The following DBF4 variants were observed in gnomAD, a reference collection of about 807,000 sequenced individuals.
The protein encoded by DBF4 is DBF4-CDC7 kinase regulatory subunit.
DBF4 carries 25 observed loss-of-function variants against 76.6 expected under a neutral mutation model. The observed-to-expected ratio is 0.33, with a 90% CI of 0.24 to 0.46. DBF4 has a LOEUF of 0.46. DBF4 is among the 20% of genes least tolerant of loss of function. The pLI is 1.00. For synonymous variants in DBF4, 213 were observed against 258.0 expected (o/e 0.83, Z 1.67); for missense variants, 638 against 760.8 (o/e 0.84, Z 1.90).
chr7:87,893,755 A>G (rs1421155173), intron 6 of DBF4, among the ~76,000 whole-genome samples: 2 of 152,206 alleles, frequency 1.3e-5, no homozygotes, highest in Non-Finnish European at 2.9e-5. Context: ...CTTTTTCATC[A>G]AATTTGGCAA....
Position 87,907,796 on chromosome 7 carries a change from C to T in DBF4, c.1658C>T (p.Thr553Ile), listed in dbSNP as rs1226153710. The T allele has an allele frequency of 2.4e-5, 38 of 1,598,014 alleles. No individual in the cohort carries two copies. Among genetic ancestry groups the T allele is most frequent in the Non-Finnish European group, 3.3e-5 (38 of 1,167,028 alleles). ...GTTCAGGCAAAGGCTCCATTCCATA[C>T]TCCTCCTGAGGAACCCAATGAATGT... ...LTVQAKAPFH[T>I]PPEEPNECDF... is the part of the protein sequence containing the mutation. Residue 553 changes from threonine to isoleucine, a missense_variant, in exon 12 of 12, where the codon ACT (threonine) becomes ATT (isoleucine). Thr to Ile is a moderately conservative substitution (Grantham distance 89). Coordinates refer to ENST00000265728, the MANE Select transcript of DBF4 (RefSeq NM_006716.4).
chr7:87,896,146 A>T (rs992933713), intron 6 of DBF4: 2 of 238,752 alleles, frequency 8.4e-6, no homozygotes, highest in African/African-American at 2.3e-5. Context: ...ATAAATGTTG[A>T]CTAATTTCTT....
chr7:87,883,730 T>C (rs778728330), intron 2 of DBF4, among the ~76,000 whole-genome samples: 1 of 152,234 alleles, frequency 6.6e-6, no homozygotes, highest in Non-Finnish European at 1.5e-5. Context: ...TTAACTTATC[T>C]GTTACACACT....
At chr7:87,893,575 C>T (rs879533658) in intron 6 of DBF4, among the ~76,000 whole-genome samples, 2 of 152,192 alleles carry the variant, frequency 1.3e-5, no homozygotes, top group Admixed American at 6.5e-5. Context: ...ATTGACCCTT[C>T]TAGCCTCTGT....
intron 8 of DBF4, among the ~76,000 whole-genome samples, chr7:87,898,659 C>T (rs528567931): frequency 2.2e-4 from 33 of 151,840 alleles, no homozygotes; most frequent in African/African-American, 7.0e-4. Context: ...GGCCTGGTGG[C>T]GGGCACCTGT....
intron 8 of DBF4, among the ~76,000 whole-genome samples, chr7:87,898,790 C>CA (rs548418733): frequency 0.086 from 5,329 of 62,054 alleles, 166 homozygotes; most frequent in African/African-American, 0.13. Flanking sequence ...GACTCCGTCT[C>CA]AAAAAAAAAA....
In DBF4 at chr7:87,904,378, C is replaced by A. The variant is rs1839865653; in HGVS notation, c.1011C>A (p.Asp337Glu). The A allele has an allele frequency of 1.2e-5, 20 of 1,613,298 alleles. No individual in the cohort carries two copies. The highest frequency in any genetic ancestry group is 1.7e-5 in the Non-Finnish European group (20 of 1,179,684). Reference protein sequence around the residue: ...VDDIVSKLVFDFVEYEKDTPK... With the variant: ...VDDIVSKLVFEFVEYEKDTPK... The stretch of plus-strand genomic sequence containing the variant: ...ATATTGTATCTAAGTTAGTTTTTGA[C>A]TTTGTGGAATATGAAAAGGACACAC... Residue 337 changes from aspartate (D) to glutamate (E), a missense_variant, in exon 11 of 12, where the codon GAC (aspartate) becomes GAA (glutamate). Transcript: ENST00000265728.
chr7:87,886,271 G>A lies in DBF4; in HGVS notation c.400-573G>A, dbSNP rs145317308. Among the ~76,000 whole-genome samples the A allele has an allele frequency of 8.6e-3, 1,303 of 152,178 alleles. 14 individuals carry two copies. The highest frequency in any genetic ancestry group is 0.03 in the African/African-American group (1,244 of 41,530). On this transcript the variant is annotated intron_variant, in intron 3 of 11. Coordinates refer to ENST00000265728, the MANE Select transcript of DBF4 (RefSeq NM_006716.4). ...GTAACGGCTGGGTGCGGTGGCTCAC[G>A]CCTGTAATCCCAGCACTTTGGGAGG... is the stretch of plus-strand genomic sequence containing the variant.
In DBF4 at chr7:87,885,273, A is replaced by G. The variant is rs1839317052; in HGVS notation, c.399+115A>G. ...TTATGTAGAACATTTGCAAAGCCAC[A>G]TGATGTGTGGCTCTCTAGTCCTCAA... On this transcript the variant is annotated intron_variant, in intron 3 of 11. Transcript: ENST00000265728. The G allele has an allele frequency of 4.7e-6, 4 of 854,776 alleles. No homozygotes were observed. In the South Asian group the frequency reaches 8.3e-5, roughly 18 times the overall value. The allele number at this position is 854,776 out of a possible 1,614,324, so 52.9% of individuals were successfully genotyped here. A position where few individuals can be genotyped will look rare whatever the true frequency, so the allele number is the denominator to read the frequency against.
In DBF4 at chr7:87,907,595, T is replaced by A. The variant is rs1273118258; in HGVS notation, c.1457T>A (p.Ile486Lys). ...AGGGTAGATCACTATAAATGTAACA[T>A]ACAGGCATCTGTACATGTTTCTGAT... is the stretch of plus-strand genomic sequence containing the variant. ...ELRVDHYKCN[I>K]QASVHVSDFS... The change falls in exon 12 of 12, where the codon ATA becomes AAA. Residue 486 changes from isoleucine (I) to lysine (K), a missense_variant. By Grantham distance (102) the Ile-to-Lys change is moderately radical (BLOSUM62 -3). Coordinates refer to ENST00000265728, the MANE Select transcript of DBF4 (RefSeq NM_006716.4). 6.2e-7 allele frequency: 1 copy of A among 1,614,108 alleles called. No homozygotes were observed. Among genetic ancestry groups the A allele is most frequent in the South Asian group, 1.1e-5 (1 of 91,076 alleles).
chr7:87,891,139 C>G (rs1314542127), intron 6 of DBF4, among the ~76,000 whole-genome samples: 1 of 142,622 alleles, frequency 7.0e-6, no homozygotes, highest in African/African-American at 2.6e-5. Context: ...TTACTCATTG[C>G]TTTATTTAAA....
Position 87,907,938 on chromosome 7 carries a change from T to C in DBF4, c.1800T>C (p.Thr600=). The C allele has an allele frequency of 6.2e-7, 1 of 1,612,564 alleles. No homozygotes were observed. The highest frequency in any genetic ancestry group is 8.5e-7 in the Non-Finnish European group (1 of 1,179,572). ...LEPNAEFDKR[T]EFITQEENRI... ...CAAATGCTGAATTTGATAAAAGAACTGAATTTATTACACAAGAAGAAAACA... is the reference window on the plus strand; with the variant it reads ...CAAATGCTGAATTTGATAAAAGAACCGAATTTATTACACAAGAAGAAAACA... The change falls in exon 12 of 12, where the codon ACT becomes ACC. Residue 600 remains threonine, a synonymous_variant. Transcript: ENST00000265728.
At position 87,876,765 on chromosome 7, in the gene DBF4, A is replaced by G. The variant is rs375299982; in HGVS notation, c.33A>G (p.Lys11=). 4.3e-6 allele frequency: 7 copies of G among 1,614,036 alleles called. No individual in the cohort carries two copies. In the East Asian group the frequency reaches 1.6e-4, roughly 36 times the overall value. MNSGAMRIHS[K]GHFQGGIQVK... is the part of the protein sequence containing the mutation. ...CCGGAGCCATGAGGATCCACAGTAA[A>G]GGACATTTCCAGGGTAAGAAGCCCC... Residue 11 remains lysine, a synonymous_variant, in exon 1 of 12, where the codon AAA becomes AAG. Transcript: ENST00000265728.
rs930706767 is a variant in DBF4, at chr7:87,900,136, AT to A, written c.681-83del. On this transcript the variant is annotated intron_variant, in intron 8 of 11. Transcript: ENST00000265728. ...ATTTGTTATTTCAGATTCCAGCTTA[AT>A]TATATGATTTTGAAATACAAAACTT... 6.1e-6 allele frequency: 7 copies of A among 1,147,562 alleles called. No homozygotes were observed. In the African/African-American group the frequency reaches 8.1e-5, roughly 13 times the overall value. 71.1% of individuals were successfully genotyped at this position (1,147,562 alleles called of 1,614,324 possible).
At chr7:87,888,790 G>C (rs945925971) in intron 6 of DBF4, among the ~76,000 whole-genome samples, 1 of 152,132 alleles carries the variant, frequency 6.6e-6, no homozygotes, top group Non-Finnish European at 1.5e-5. Flanking sequence ...TTTAAACCCA[G>C]TCATATTGGT....
intron 1 of DBF4, among the ~76,000 whole-genome samples, chr7:87,877,251 T>C (rs1283818334): frequency 6.6e-6 from 1 of 152,234 alleles, no homozygotes; most frequent in Non-Finnish European, 1.5e-5. Context: ...CCTTTCCTCA[T>C]AAGTTGGGGG....
At chr7:87,876,835 C>G in intron 1 of DBF4, 57 bp downstream of exon 1, 2 of 1,585,722 alleles carry the variant, frequency 1.3e-6, no homozygotes, top group East Asian at 2.2e-5. Flanking sequence ...CCTCGTGGTT[C>G]CACCATTGAT....
chr7:87,889,743 A>G (rs777485937), intron 6 of DBF4, among the ~76,000 whole-genome samples: 29 of 152,194 alleles, frequency 1.9e-4, no homozygotes, highest in Non-Finnish European at 3.8e-4. Flanking sequence ...AAAACTATCA[A>G]TCAAAGTGTA....
chr7:87,897,077 G>A (rs577537421), intron 7 of DBF4, among the ~76,000 whole-genome samples: 1 of 152,216 alleles, frequency 6.6e-6, no homozygotes, highest in African/African-American at 2.4e-5. Context: ...GTTAATTTGA[G>A]GGTTCCATTT....
Sources: gnomAD v4.1 joint callset for allele counts (sites outside exome capture counted in the v4.1 genomes callset) on GRCh38, gnomAD v4.1.1 for gene constraint, MANE v1.5 for transcripts, NCBI Gene and HGNC (gene_info 2026-07-23, HGNC 2026-07-21) for gene names.